Variants in FMNL1 observed in about 807,000 individuals in gnomAD.
The protein encoded by FMNL1 is formin-like protein 1.
Under a neutral mutation model 121.3 loss-of-function variants are expected in FMNL1, and 43 were observed. The ratio of observed to expected loss-of-function variants is 0.35; its 90% CI spans 0.28 to 0.46. The LOEUF is 0.46. FMNL1 is among the 20% of genes least tolerant of loss of function. FMNL1 has a pLI of 1.00. For synonymous variants in FMNL1, 613 were observed against 613.5 expected (o/e 1.00, Z 0.01); for missense variants, 1,191 against 1,482.4 (o/e 0.80, Z 3.23).
Position 45,242,423 on chromosome 17 carries a change from C to G in FMNL1, c.1968C>G (p.Thr656=), listed in dbSNP as rs375072398. ...TGGCACTGAAACCCAGCCAGATCACCGGCACTGTCTTCACAGAGCTCAATG... is the reference window on the plus strand; with the variant it reads ...TGGCACTGAAACCCAGCCAGATCACGGGCACTGTCTTCACAGAGCTCAATG... ...NWVALKPSQI[T]GTVFTELNDE... is the part of the protein sequence containing the mutation. Residue 656 remains threonine, a synonymous_variant, in exon 16 of 27, where the codon ACC becomes ACG. Transcript: ENST00000331495. 6.2e-7 allele frequency: 1 copy of G among 1,614,122 alleles called. No individual in the cohort carries two copies. Among genetic ancestry groups the G allele is most frequent in the East Asian group, 2.2e-5 (1 of 44,886 alleles).
At position 45,237,730 on chromosome 17, in the gene FMNL1, C is replaced by A; in HGVS notation, c.894+91C>A. 1 of 1,422,208 alleles carries A rather than the reference C, an allele frequency of 7.0e-7. No individual in the cohort carries two copies. The highest frequency in any genetic ancestry group is 9.8e-7 in the Non-Finnish European group (1 of 1,017,312). The allele number at this position is 1,422,208 out of a possible 1,614,324, so 88.1% of individuals were successfully genotyped here. ...CAGTTGTGGCCTTTGCTGGAGGCAGCTGGGGACATTGGGTGGGCATTTGGG... is the reference window on the plus strand; with the variant it reads ...CAGTTGTGGCCTTTGCTGGAGGCAGATGGGGACATTGGGTGGGCATTTGGG... On this transcript the variant is annotated intron_variant, in intron 9 of 26. Transcript: ENST00000331495. This position sits in a 1 kb window ranked among gnomAD's most constrained non-coding sequence, Gnocchi z 4.4.
At chr17:45,232,297 G>A in intron 2 of FMNL1, 70 bp from the exon 3 acceptor site, 2 of 1,404,252 alleles carry the variant, frequency 1.4e-6, no homozygotes, top group South Asian at 2.4e-5. Flanking sequence ...GGGACACTGG[G>A]ACGAGAACTG....
intron 3 of FMNL1, 65 bp downstream of exon 3, chr17:45,232,545 G>A (rs903628489): frequency 2.8e-5 from 40 of 1,448,474 alleles, no homozygotes; most frequent in South Asian, 5.9e-5. Context: ...GGCAGCTGGA[G>A]TAACTGTGTG....
chr17:45,244,007 A>G lies in FMNL1; in HGVS notation c.2430A>G (p.Thr810=). 6.2e-7 allele frequency: 1 copy of G among 1,610,146 alleles called. No individual in the cohort carries two copies. The highest frequency in any genetic ancestry group is 8.5e-7 in the Non-Finnish European group (1 of 1,178,840). Residue 810 remains threonine, a synonymous_variant, in exon 18 of 27, where the codon ACA becomes ACG. Coordinates refer to ENST00000331495, the MANE Select transcript of FMNL1 (RefSeq NM_005892.4). ...TLTFLGNFPD[T]AQLLMPQLNA... ...CCTTCCTGGGCAACTTCCCGGACAC[A>G]GCCCAGCTGCTCATGCCGGTGTGGG...
chr17:45,245,760 GCC>G (rs1239215717), intron 23 of FMNL1, 27 bp downstream of exon 23: 4 of 1,612,508 alleles, frequency 2.5e-6, no homozygotes, highest in Non-Finnish European at 3.4e-6. Flanking sequence ...CAGGCTGGGA[GCC>G]CTGTAGGGCA....
chr17:45,239,892 T>C (rs2043644990), intron 11 of FMNL1, among the ~76,000 whole-genome samples: 1 of 150,374 alleles, frequency 6.7e-6, no homozygotes, highest in Non-Finnish European at 1.5e-5. Flanking sequence ...GCCTCCCGGG[T>C]TCAAGTGATT....
chr17:45,236,230 A>G lies in FMNL1; in HGVS notation c.709A>G (p.Ile237Val), dbSNP rs201153167. The G allele has an allele frequency of 2.0e-5, 32 of 1,613,928 alleles. No individual in the cohort carries two copies. The East Asian group carries it at 6.5e-4, about 33-fold the overall frequency. Residue 237 changes from isoleucine (I) to valine (V), a missense_variant, in exon 7 of 27, where the codon ATC becomes GTC. By Grantham distance (29) the Ile-to-Val change is conservative (BLOSUM62 3). Around this residue, in one of 4 missense-constraint regions of FMNL1, gnomAD observed 253 missense variants for 417.5 expected, o/e 0.61. Transcript: ENST00000331495. The stretch of plus-strand genomic sequence containing the variant: ...CGTCTGTATTATGTGCCTACGCGCC[A>G]TCATGAACTACCAGGTCAGCCGAGG... ...VHVCIMCLRA[I>V]MNYQSGFSLV... is the part of the protein sequence containing the mutation.
At position 45,241,307 on chromosome 17, in the gene FMNL1, A is replaced by T; in HGVS notation, c.1333-75A>T. On this transcript the variant is annotated intron_variant, in intron 13 of 26. Coordinates refer to ENST00000331495, the MANE Select transcript of FMNL1 (RefSeq NM_005892.4). This position sits in a 1 kb window ranked among gnomAD's most constrained non-coding sequence, Gnocchi z 7.0. ...GCTTCTAGGCTTGACATCTCCCTCC[A>T]CCCCGGGAAGAAGATGGAGGCTTGG... 5.6e-6 allele frequency: 9 copies of T among 1,601,882 alleles called. No homozygotes were observed. The highest frequency in any genetic ancestry group is 6.8e-6 in the Non-Finnish European group (8 of 1,174,110).
At chr17:45,230,455 G>A in intron 1 of FMNL1, 149 bp from the exon 2 acceptor site, 1 of 632,946 alleles carries the variant, frequency 1.6e-6, no homozygotes, top group Non-Finnish European at 2.8e-6. Flanking sequence ...TCTTCTCATT[G>A]GATAACACTA....
At chr17:45,226,932 T>C (rs1838207409) in intron 1 of FMNL1, among the ~76,000 whole-genome samples, 1 of 152,142 alleles carries the variant, frequency 6.6e-6, no homozygotes, top group Admixed American at 6.5e-5. Flanking sequence ...AGCCTGGAAT[T>C]GCTTATAAGA....
rs1156690584 is a variant in FMNL1, at chr17:45,246,459, C to A, written c.3212-46C>A. ...TTGCTACCTTTTCTGTTTTTCTTTC[C>A]TTTTTCCTTTCTCTACTCCCCTTCA... is the stretch of plus-strand genomic sequence containing the variant. On this transcript the variant is annotated intron_variant, in intron 25 of 26. Coordinates refer to ENST00000331495, the MANE Select transcript of FMNL1 (RefSeq NM_005892.4). 4 of 1,613,636 alleles carry A rather than the reference C, an allele frequency of 2.5e-6. No homozygotes were observed. The East Asian group carries it at 8.9e-5, about 36-fold the overall frequency.
At chr17:45,238,894 G>A in intron 10 of FMNL1, 61 bp from the exon 11 acceptor site, 2 of 1,415,164 alleles carry the variant, frequency 1.4e-6, no homozygotes, top group Non-Finnish European at 2.0e-6. Flanking sequence ...AAGTGGAGGT[G>A]GAAGGCATTG....
At chr17:45,229,448 CCACATGA>C (rs1326816848) in intron 1 of FMNL1, among the ~76,000 whole-genome samples, 3 of 152,226 alleles carry the variant, frequency 2.0e-5, no homozygotes, top group African/African-American at 7.2e-5. Flanking sequence ...CTCTGCAGAG[CCACATGA>C]CTGAGGGTGT....
Position 45,245,366 on chromosome 17 carries a change from G to A in FMNL1, c.2842G>A (p.Ala948Thr), listed in dbSNP as rs1476471320. The A allele has an allele frequency of 1.9e-6, 3 of 1,614,112 alleles. No individual in the cohort carries two copies. Among genetic ancestry groups the A allele is most frequent in the Non-Finnish European group, 2.5e-6 (3 of 1,180,040 alleles). The change falls in exon 22 of 27, where the codon GCC (alanine) becomes ACC (threonine). Residue 948 changes from alanine (A) to threonine (T), a missense_variant. Coordinates refer to ENST00000331495, the MANE Select transcript of FMNL1 (RefSeq NM_005892.4). ...DCMVLKEFLR[A>T]NSPTMDKLLA... ...CATGGTGCTCAAGGAGTTCCTGAGG[G>A]CCAACTCGCCCACCATGGACAAGCT...
rs2043788494 is a variant in FMNL1 at position 45,244,670 on chromosome 17, C to T, written c.2518-149C>T. On this transcript the variant is annotated intron_variant, in intron 19 of 26. Coordinates refer to ENST00000331495, the MANE Select transcript of FMNL1 (RefSeq NM_005892.4). ...CTGTGTGTACACACATGTACATGTGCTGTGGATCTGAGGGGCCTGTGCAGG... is the reference window on the plus strand; with the variant it reads ...CTGTGTGTACACACATGTACATGTGTTGTGGATCTGAGGGGCCTGTGCAGG... The T allele has an allele frequency of 5.1e-6, 4 of 782,654 alleles. No homozygotes were observed. In the East Asian group the frequency reaches 7.4e-5, roughly 15 times the overall value. 48.5% of individuals were successfully genotyped at this position (782,654 alleles called of 1,614,324 possible). A position where few individuals can be genotyped will look rare whatever the true frequency, so the allele number is the denominator to read the frequency against.
intron 1 of FMNL1, among the ~76,000 whole-genome samples, chr17:45,222,787 G>A (rs568111053): frequency 6.6e-6 from 1 of 152,108 alleles, no homozygotes; most frequent in East Asian, 1.9e-4. Flanking sequence ...CCATATGTCA[G>A]AGCCAGGGTG....
chr17:45,240,271 CT>C (rs1283356488), intron 11 of FMNL1: 33 of 419,258 alleles, frequency 7.9e-5, no homozygotes, highest in Middle Eastern at 6.3e-4. Context: ...GTTGCACAAC[CT>C]TGTGGCTATA....
At chr17:45,242,841 ATGTCTTTTCCTTTCTC>A in intron 16 of FMNL1, among the ~76,000 whole-genome samples, 1 of 152,122 alleles carries the variant, frequency 6.6e-6, no homozygotes, top group African/African-American at 2.4e-5. Context: ...TCTGCCTGGA[ATGTCTTTTCCTTTCTC>A]CTTTTTACCG....
chr17:45,232,595 G>A, intron 3 of FMNL1, 115 bp downstream of exon 3: 1 of 779,222 alleles, frequency 1.3e-6, no homozygotes, highest in South Asian at 1.6e-5. Flanking sequence ...GCATGTATGA[G>A]TGTGTGTGTG....
Sources: gnomAD v4.1 joint callset for allele counts (sites outside exome capture counted in the v4.1 genomes callset) on GRCh38, gnomAD v4.1.1 for gene constraint, gnomAD v4.1.1 regional missense constraint, Gnocchi (gnomAD v3.1) non-coding constraint, MANE v1.5 for transcripts, NCBI Gene and HGNC (gene_info 2026-07-23, HGNC 2026-07-21) for gene names.